ZC3H7B: variants seen among roughly 807,000 people sequenced by gnomAD.
ZC3H7B encodes zinc finger CCCH-type containing 7B, also known as zinc finger CCCH domain-containing protein 7B.
In ZC3H7B, 35 loss-of-function variants were observed where a neutral mutation model predicts 116.0. That is an observed-to-expected ratio of 0.30 (90% CI 0.23 to 0.40). The LOEUF (loss-of-function observed/expected upper bound fraction) is 0.40. ZC3H7B is among the 10% of genes least tolerant of loss of function. ZC3H7B has a pLI of 1.00. For missense variants in ZC3H7B, 1,011 were observed against 1,321.5 expected (o/e 0.77, Z 3.64); for synonymous variants, 502 against 545.6 (o/e 0.92, Z 1.11).
At chr22:41,310,846 C>T (rs1041376794) in intron 1 of ZC3H7B, among the ~76,000 whole-genome samples, 1 of 152,016 alleles carries the variant, frequency 6.6e-6, no homozygotes, top group African/African-American at 2.4e-5. Context: ...CTCACTGCAG[C>T]CTCCGCCTCC....
chr22:41,345,907 T>C, intron 13 of ZC3H7B, 96 bp from the exon 14 acceptor site: 1 of 1,315,474 alleles, frequency 7.6e-7, no homozygotes, highest in Admixed American at 1.7e-5. Context: ...GCCTGGCTCA[T>C]GGGGCCAGAG....
chr22:41,338,349 G>C lies in ZC3H7B; in HGVS notation c.619G>C (p.Glu207Gln). 1 of 1,613,682 alleles carries C rather than the reference G, an allele frequency of 6.2e-7. No homozygotes were observed. The highest frequency in any genetic ancestry group is 8.5e-7 in the Non-Finnish European group (1 of 1,179,878). The change falls in exon 8 of 23, where the codon GAA becomes CAA. Residue 207 changes from glutamate (E) to glutamine (Q), a missense_variant. Around this residue, in one of 5 missense-constraint regions of ZC3H7B, gnomAD observed 322 missense variants for 443.9 expected, o/e 0.73. Transcript: ENST00000352645. This position sits in a 1 kb window ranked among gnomAD's most constrained non-coding sequence, Gnocchi z 4.5. ...SNGLGSIDDI[E>Q]TDCYVDPRGS... ...TGGATTGGGGTCCATAGATGACATCGAAACAGGTAATGTCCCCGATACGAG... is the reference window on the plus strand; with the variant it reads ...TGGATTGGGGTCCATAGATGACATCCAAACAGGTAATGTCCCCGATACGAG...
chr22:41,346,998 C>T lies in ZC3H7B; in HGVS notation c.1665+790C>T, dbSNP rs920676797. Among the ~76,000 whole-genome samples the T allele has an allele frequency of 6.6e-5, 10 of 151,290 alleles. No homozygotes were observed. The highest frequency in any genetic ancestry group is 4.6e-4 in the Admixed American group (7 of 15,222). ...AAAAAAAAAAAAATGTCATTTCCAT[C>T]GTCACGGCAGTGCTGGCAGGCAGAT... On this transcript the variant is annotated intron_variant, in intron 14 of 22. Transcript: ENST00000352645. The surrounding 1 kb of genome is among the most constrained non-coding windows in gnomAD (Gnocchi z 5.3).
At chr22:41,318,727 C>G (rs958066135) in intron 1 of ZC3H7B, among the ~76,000 whole-genome samples, 2 of 152,014 alleles carry the variant, frequency 1.3e-5, no homozygotes, top group Non-Finnish European at 2.9e-5. Flanking sequence ...GTGAAACCGT[C>G]TCAGAAAAGA....
chr22:41,306,151 G>A (rs574901177), intron 1 of ZC3H7B, among the ~76,000 whole-genome samples: 32 of 152,258 alleles, frequency 2.1e-4, no homozygotes, highest in Non-Finnish European at 4.1e-4. Context: ...AGGCTCTGCC[G>A]TCATGATCCT....
chr22:41,307,280 G>A (rs964082889), intron 1 of ZC3H7B, among the ~76,000 whole-genome samples: 22 of 152,040 alleles, frequency 1.4e-4, no homozygotes, highest in African/African-American at 4.8e-4. Flanking sequence ...GCCTGAAGTC[G>A]GCTCCTTTCA....
Position 41,301,646 on chromosome 22 carries a change from G to A in ZC3H7B, c.-133G>A, listed in dbSNP as rs1239611725. ...GGCGGCGGCGCCGGGAGCAGGATGC[G>A]GCCGCCCGTAATTAAATAGCATTTA... On this transcript the variant is annotated 5_prime_UTR_variant, in exon 1 of 23. Coordinates refer to ENST00000352645, the MANE Select transcript of ZC3H7B (RefSeq NM_017590.6). 1 of 152,214 alleles carries A rather than the reference G, an allele frequency of 6.6e-6. No homozygotes were observed. The highest frequency in any genetic ancestry group is 2.4e-5 in the African/African-American group (1 of 41,450). 9.4% of individuals were successfully genotyped at this position (152,214 alleles called of 1,614,324 possible). A position where few individuals can be genotyped will look rare whatever the true frequency, so the allele number is the denominator to read the frequency against.
intron 11 of ZC3H7B, among the ~76,000 whole-genome samples, chr22:41,341,847 A>G (rs574600500): frequency 2.4e-4 from 36 of 152,200 alleles, no homozygotes; most frequent in African/African-American, 8.2e-4. Flanking sequence ...GCAGATCACA[A>G]GGTCAGGAGT....
chr22:41,329,626 AG>A (rs2036357379), intron 5 of ZC3H7B, among the ~76,000 whole-genome samples: 1 of 152,164 alleles, frequency 6.6e-6, no homozygotes, highest in South Asian at 2.1e-4. Context: ...GAAACACATC[AG>A]CCCAGCAGAG....
chr22:41,312,434 TTAATGATAATAATAA>T (rs1467750872), intron 1 of ZC3H7B, among the ~76,000 whole-genome samples: 4 of 134,598 alleles, frequency 3.0e-5, no homozygotes, highest in Non-Finnish European at 6.6e-5. Context: ...AGACCCTGTC[TTAATGATAATAATAA>T]TAATAATAAT....
intron 17 of ZC3H7B, among the ~76,000 whole-genome samples, chr22:41,352,606 C>CA (rs1255188477): frequency 2.0e-5 from 3 of 151,936 alleles, no homozygotes; most frequent in African/African-American, 7.2e-5. Context: ...ACTAAAAATA[C>CA]AAAAAATTAG....
In ZC3H7B at chr22:41,356,196, C is replaced by T. The variant is rs997178325; in HGVS notation, c.2383+134C>T. On this transcript the variant is annotated intron_variant, in intron 20 of 22. Transcript: ENST00000352645. ...GGGCCCTTCTCCACCTGCCCCATGC[C>T]GGGCCCTCTCTGAGGCCAGGCCCTG... 80 of 1,478,876 alleles carry T rather than the reference C, an allele frequency of 5.4e-5. No individual in the cohort carries two copies. The African/African-American group carries it at 8.2e-4, about 15-fold the overall frequency. 91.6% of individuals were successfully genotyped at this position (1,478,876 alleles called of 1,614,324 possible).
At chr22:41,348,029 G>A (rs766959143) in intron 14 of ZC3H7B, 38 bp from the exon 15 acceptor site, 29 of 1,578,972 alleles carry the variant, frequency 1.8e-5, no homozygotes, top group Non-Finnish European at 2.5e-5. Flanking sequence ...CTTCCCAGGT[G>A]GCCATGCCAG....
chr22:41,341,648 C>T (rs2036524249), intron 11 of ZC3H7B, among the ~76,000 whole-genome samples: 1 of 152,058 alleles, frequency 6.6e-6, no homozygotes, highest in South Asian at 2.1e-4. Flanking sequence ...GAGGCTGAGG[C>T]AGAAGAATGG....
chr22:41,338,954 C>G lies in ZC3H7B; in HGVS notation c.626-47C>G. ...CGGGGCCCGGGACGCCTCCTCCACC[C>G]TCACCAAGCAGTGCTCCCCTTCGGC... On this transcript the variant is annotated intron_variant, in intron 8 of 22. Coordinates refer to ENST00000352645, the MANE Select transcript of ZC3H7B (RefSeq NM_017590.6). This position sits in a 1 kb window ranked among gnomAD's most constrained non-coding sequence, Gnocchi z 4.5. 6.7e-7 allele frequency: 1 copy of G among 1,486,998 alleles called. No individual in the cohort carries two copies. Among genetic ancestry groups the G allele is most frequent in the Non-Finnish European group, 9.0e-7 (1 of 1,116,882 alleles). 92.1% of individuals were successfully genotyped at this position (1,486,998 alleles called of 1,614,324 possible). A position where few individuals can be genotyped will look rare whatever the true frequency, so the allele number is the denominator to read the frequency against.
chr22:41,335,730 G>A (rs2036437150), intron 7 of ZC3H7B: 1 of 152,748 alleles, frequency 6.5e-6, no homozygotes, highest in Non-Finnish European at 1.5e-5. Context: ...TGGGAAGGAG[G>A]TGCAGGGTGT....
chr22:41,331,697 CG>C (rs2036386607), intron 6 of ZC3H7B, among the ~76,000 whole-genome samples: 1 of 151,794 alleles, frequency 6.6e-6, no homozygotes, highest in South Asian at 2.1e-4. Context: ...ATGGCGAAAC[CG>C]TATCTCTACA....
intron 20 of ZC3H7B, 64 bp from the exon 21 acceptor site, chr22:41,356,279 G>A: frequency 6.2e-7 from 1 of 1,602,024 alleles, no homozygotes; most frequent in South Asian, 1.1e-5. Context: ...ATCAAGTGGG[G>A]ACCATGGGGC....
intron 1 of ZC3H7B, among the ~76,000 whole-genome samples, chr22:41,316,596 CTTTTTTTTTTTT>C (rs371933916): frequency 1.0e-5 from 1 of 98,920 alleles, no homozygotes; most frequent in Admixed American, 1.3e-4. Context: ...CACACCTGGC[CTTTTTTTTTTTT>C]TTTTTTTTGA....
Sources: allele counts gnomAD v4.1 joint callset (sites outside exome capture counted in the v4.1 genomes callset), GRCh38; gene constraint gnomAD v4.1.1; regional missense constraint gnomAD v4.1.1; non-coding constraint Gnocchi (gnomAD v3.1); transcripts MANE v1.5; gene names NCBI Gene and HGNC (gene_info 2026-07-23, HGNC 2026-07-21).